Variants in FHIT observed in about 807,000 individuals in gnomAD.
FHIT encodes the protein fragile histidine triad diadenosine triphosphatase.
In FHIT, 19 loss-of-function variants were observed where a neutral mutation model predicts 17.9. That is an observed-to-expected ratio of 1.06 (90% confidence interval 0.74 to 1.56). FHIT has a LOEUF of 1.56. Ranked by LOEUF, FHIT falls within the 40% of genes most tolerant of loss-of-function variation. The pLI is 0.00. For synonymous variants in FHIT, 81 were observed against 69.7 expected, an observed-to-expected ratio of 1.16 and a Z score of -0.81; for missense variants, 248 against 189.2, an observed-to-expected ratio of 1.31 and a Z score of -1.82.
intron 7 of FHIT, among the ~76,000 whole-genome samples, chr3:59,940,062 A>G (rs1414936779): frequency 6.6e-6 from 1 of 152,164 alleles, no homozygotes; most frequent in Non-Finnish European, 1.5e-5. Context: ...TAGTCCTGCC[A>G]CTTTCCAGCT....
At chr3:59,979,914 G>C (rs918654796) in intron 7 of FHIT, among the ~76,000 whole-genome samples, 13 of 152,176 alleles carry the variant, frequency 8.5e-5, no homozygotes, top group Admixed American at 8.5e-4. Context: ...TGAAACAGTA[G>C]CTCTTCTCCA....
At position 60,767,783 on chromosome 3, in the gene FHIT, C is replaced by T. The variant is rs138680524; in HGVS notation, c.-18+54136G>A. Among the ~76,000 whole-genome samples the T allele has an allele frequency of 1.4e-3, 211 of 152,308 alleles. 1 individual carries two copies. The highest frequency in any genetic ancestry group is 5.0e-3 in the African/African-American group (209 of 41,582). ...CAACTCTTGTTCTATTGCGCCCCAA[C>T]AAGAGACAGAATGTTTCAAGATAGG... On this transcript the variant is annotated intron_variant, in intron 4 of 9. Coordinates refer to ENST00000492590, the MANE Select transcript of FHIT (RefSeq NM_002012.4).
chr3:60,180,162 G>A (rs12493585), intron 5 of FHIT, among the ~76,000 whole-genome samples: 3,281 of 152,240 alleles, frequency 0.022, 128 homozygotes, highest in South Asian at 0.12. Context: ...ACACAAGCTC[G>A]TCAATGGAAA....
intron 5 of FHIT, among the ~76,000 whole-genome samples, chr3:60,336,953 T>C (rs1011290678): frequency 1.3e-5 from 2 of 151,456 alleles, no homozygotes; most frequent in African/African-American, 2.4e-5. Context: ...TGCTTGAAGA[T>C]GTAGACAGAG....
In FHIT at chr3:61,071,799, A is replaced by G. The variant is rs181863391; in HGVS notation, c.-163-29700T>C. ...GTGTTTACAAAGACAAAGATGAAAT[A>G]CCCCAAAATATTAATAGTGGTTATG... On this transcript the variant is annotated intron_variant, in intron 2 of 9. Coordinates refer to ENST00000492590, the MANE Select transcript of FHIT (RefSeq NM_002012.4). Among the ~76,000 whole-genome samples the G allele has an allele frequency of 2.4e-4, 36 of 152,324 alleles. No homozygotes were observed. In the East Asian group the frequency reaches 3.1e-3, roughly 13 times the overall value.
At chr3:59,787,540 T>C (rs1699367079) in intron 8 of FHIT, among the ~76,000 whole-genome samples, 1 of 150,496 alleles carries the variant, frequency 6.6e-6, no homozygotes, top group African/African-American at 2.5e-5. Flanking sequence ...GTCAAAGGCT[T>C]CTCCCTCTTT....
At chr3:60,037,796 C>G (rs1258168209) in intron 5 of FHIT, among the ~76,000 whole-genome samples, 1 of 151,914 alleles carries the variant, frequency 6.6e-6, no homozygotes, top group Non-Finnish European at 1.5e-5. Flanking sequence ...TCACTGCAAC[C>G]TCTGCCTCCC....
intron 4 of FHIT, among the ~76,000 whole-genome samples, chr3:60,781,037 G>C (rs1700368209): frequency 1.3e-5 from 2 of 152,132 alleles, no homozygotes; most frequent in Non-Finnish European, 2.9e-5. Context: ...GGACAGACAA[G>C]GACCCTCTCT....
chr3:60,615,941 G>A (rs954561149), intron 4 of FHIT, among the ~76,000 whole-genome samples: 1 of 152,216 alleles, frequency 6.6e-6, no homozygotes, highest in Non-Finnish European at 1.5e-5. Context: ...CTGTTCTTTG[G>A]AAGTCAGACA....
intron 8 of FHIT, among the ~76,000 whole-genome samples, chr3:59,765,657 T>C (rs1003609041): frequency 6.6e-6 from 1 of 152,204 alleles, no homozygotes; most frequent in African/African-American, 2.4e-5. Context: ...GAAGATATAC[T>C]GGAATAACCT....
intron 3 of FHIT, among the ~76,000 whole-genome samples, chr3:60,857,668 T>C (rs1377174642): frequency 6.6e-6 from 1 of 152,220 alleles, no homozygotes; most frequent in Non-Finnish European, 1.5e-5. Context: ...TGGTGGCTCA[T>C]GCCTGTAATC....
At chr3:59,893,245 C>A (rs59709985) in intron 8 of FHIT, among the ~76,000 whole-genome samples, 3,550 of 152,264 alleles carry the variant, frequency 0.023, 114 homozygotes, top group African/African-American at 0.072. Flanking sequence ...GAACCAATCC[C>A]AGCTTCAAGG....
At chr3:60,750,233 T>C (rs2042439230) in intron 4 of FHIT, among the ~76,000 whole-genome samples, 1 of 152,136 alleles carries the variant, frequency 6.6e-6, no homozygotes, top group African/African-American at 2.4e-5. Flanking sequence ...CTGAGTCCTC[T>C]GAGAGGACTC....
intron 5 of FHIT, among the ~76,000 whole-genome samples, chr3:60,344,039 C>T (rs1003294166): frequency 2.6e-5 from 4 of 152,126 alleles, no homozygotes; most frequent in South Asian, 2.1e-4. Context: ...AGAAGCTGGC[C>T]GACCTCAGTG....
intron 5 of FHIT, among the ~76,000 whole-genome samples, chr3:60,152,969 G>A (rs548020913): frequency 1.3e-5 from 2 of 152,102 alleles, no homozygotes; most frequent in African/African-American, 2.4e-5. Flanking sequence ...GTGAAATCCT[G>A]GACATGCAGT....
intron 2 of FHIT, among the ~76,000 whole-genome samples, chr3:61,123,434 G>A (rs2036517723): frequency 6.6e-6 from 1 of 151,842 alleles, no homozygotes; most frequent in Non-Finnish European, 1.5e-5. Context: ...AAACCACCAT[G>A]GCACATGTAT....
chr3:60,554,930 G>A (rs2036693143), intron 4 of FHIT, among the ~76,000 whole-genome samples: 1 of 152,164 alleles, frequency 6.6e-6, no homozygotes, highest in Admixed American at 6.5e-5. Context: ...TTATAGCTAT[G>A]TATCATTTGT....
At chr3:61,204,470 A>G (rs2039140572) in intron 1 of FHIT, among the ~76,000 whole-genome samples, 1 of 152,224 alleles carries the variant, frequency 6.6e-6, no homozygotes, top group Admixed American at 6.5e-5. Context: ...CAATAGAGGA[A>G]ACAACATAGA....
At chr3:60,835,445 T>C (rs1702503476) in intron 3 of FHIT, among the ~76,000 whole-genome samples, 2 of 152,194 alleles carry the variant, frequency 1.3e-5, no homozygotes, top group South Asian at 2.1e-4. Context: ...ATAAATGTTT[T>C]ATTGGATTCA....
Sources: allele counts gnomAD v4.1 joint callset (sites outside exome capture counted in the v4.1 genomes callset), GRCh38; gene constraint gnomAD v4.1.1; transcripts MANE v1.5; gene names NCBI Gene and HGNC (gene_info 2026-07-23, HGNC 2026-07-21).